GPHN: variants seen among roughly 807,000 people sequenced by gnomAD.
GPHN encodes gephyrin.
Under a neutral mutation model 95.5 loss-of-function variants are expected in GPHN, and 17 were observed. The observed-to-expected ratio is 0.18, with a 90% CI of 0.12 to 0.27. The LOEUF (loss-of-function observed/expected upper bound fraction) is 0.27. GPHN is among the 10% of genes least tolerant of loss of function. GPHN has a pLI of 1.00. For synonymous variants in GPHN, 320 were observed against 322.5 expected, an observed-to-expected ratio of 0.99 and a Z score of 0.08; for missense variants, 660 against 978.1, an observed-to-expected ratio of 0.67 and a Z score of 4.34.
At chr14:67,533,417 C>G in the GPHN span, 1 of 151,786 alleles carries the variant, frequency 6.6e-6, no homozygotes, top group East Asian at 1.9e-4. Context: ...CCCGCGCTCC[C>G]GCCGCTGTGG....
downstream of GPHN, among the ~76,000 whole-genome samples, chr14:67,185,008 G>T (rs1289472269): frequency 6.6e-6 from 1 of 151,944 alleles, no homozygotes; most frequent in African/African-American, 2.4e-5. Context: ...AAGGATGAAG[G>T]CTCAAAAAGC....
chr14:67,619,983 C>T, the GPHN span: 1 of 1,600,856 alleles, frequency 6.2e-7, no homozygotes, highest in Non-Finnish European at 8.5e-7. Flanking sequence ...GGATCATGTC[C>T]CTAAGGGGCA....
the GPHN span, among the ~76,000 whole-genome samples, chr14:67,404,636 C>T: frequency 6.6e-6 from 1 of 151,760 alleles, no homozygotes; most frequent in Non-Finnish European, 1.5e-5. Context: ...ACAGCAATAC[C>T]TAGTCTCTAC....
chr14:67,332,882 T>TATCA, the GPHN span: 1 of 1,614,086 alleles, frequency 6.2e-7, no homozygotes, highest in Non-Finnish European at 8.5e-7. Context: ...TGATAAAGCC[T>TATCA]ATCAGGAATT....
chr14:67,166,730 CG>C (rs1759196454), intron 20 of GPHN, among the ~76,000 whole-genome samples: 1 of 152,144 alleles, frequency 6.6e-6, no homozygotes, highest in Admixed American at 6.5e-5. Context: ...AGTGCAGCAG[CG>C]CGATCTCAGC....
chr14:67,409,286 C>T, the GPHN span, among the ~76,000 whole-genome samples: 1 of 149,336 alleles, frequency 6.7e-6, no homozygotes, highest in Non-Finnish European at 1.5e-5. Context: ...ACTCACACCT[C>T]TAATCTCAGC....
chr14:67,593,066 C>T, the GPHN span, among the ~76,000 whole-genome samples: 2 of 152,230 alleles, frequency 1.3e-5, no homozygotes, highest in African/African-American at 2.4e-5. Context: ...GGATTACAGG[C>T]GTGAGCCACC....
chr14:67,466,629 C>T, the GPHN span, among the ~76,000 whole-genome samples: 43 of 152,302 alleles, frequency 2.8e-4, no homozygotes, highest in African/African-American at 9.9e-4. Context: ...TACGTGCTTC[C>T]TTTGTTCGGC....
chr14:67,575,457 G>T, the GPHN span: 1 of 1,603,230 alleles, frequency 6.2e-7, no homozygotes, highest in Non-Finnish European at 8.5e-7. Context: ...ACTACTATCG[G>T]AGCCATGAGG....
the GPHN span, among the ~76,000 whole-genome samples, chr14:67,425,808 C>T: frequency 6.6e-6 from 1 of 152,074 alleles, no homozygotes; most frequent in Non-Finnish European, 1.5e-5. Flanking sequence ...CAGGGTAGAA[C>T]CACAGCGGTG....
At chr14:67,022,292 T>C (rs1183075847) in intron 9 of GPHN, among the ~76,000 whole-genome samples, 2 of 152,008 alleles carry the variant, frequency 1.3e-5, no homozygotes, top group Non-Finnish European at 2.9e-5. Context: ...TTTTCCATTG[T>C]TTAGATTTAC....
At chr14:67,645,895 T>C in the GPHN span, 3 of 1,404,242 alleles carry the variant, frequency 2.1e-6, no homozygotes, top group Admixed American at 5.8e-5. Context: ...AAGGGTGGGT[T>C]GAGTGTGGAT....
chr14:67,138,633 A>G (rs2080246272), intron 17 of GPHN, among the ~76,000 whole-genome samples: 1 of 152,144 alleles, frequency 6.6e-6, no homozygotes, highest in South Asian at 2.1e-4. Flanking sequence ...CGATGGATAC[A>G]TGGGTGTTTG....
At chr14:67,521,878 A>G in the GPHN span, among the ~76,000 whole-genome samples, 1 of 152,218 alleles carries the variant, frequency 6.6e-6, no homozygotes, top group Non-Finnish European at 1.5e-5. Flanking sequence ...AGAGTTGACT[A>G]TGAAAGTTGG....
At chr14:66,840,931 A>G (rs963263693) in intron 4 of GPHN, among the ~76,000 whole-genome samples, 6 of 149,704 alleles carry the variant, frequency 4.0e-5, no homozygotes, top group African/African-American at 1.5e-4. Context: ...ATAAGAAGTT[A>G]ATGCTTCATG....
In GPHN at chr14:66,669,865, C is replaced by A. The variant is rs553873201; in HGVS notation, c.65-11242C>A. Among the ~76,000 whole-genome samples, 11 of 152,034 alleles carry A rather than the reference C, an allele frequency of 7.2e-5. No individual in the cohort carries two copies. The East Asian group carries it at 1.4e-3, about 19-fold the overall frequency. ...TTTGTTTCATGTGTTTTTATAATTCCTTTTTGAATAATTTTTATCATGACA... is the reference window on the plus strand; with the variant it reads ...TTTGTTTCATGTGTTTTTATAATTCATTTTTGAATAATTTTTATCATGACA... On this transcript the variant is annotated intron_variant, in intron 1 of 22. Transcript: ENST00000478722.
chr14:66,879,909 CT>C, intron 4 of GPHN, 29 bp from the exon 5 acceptor site: 1 of 1,405,870 alleles, frequency 7.1e-7, no homozygotes, highest in Non-Finnish European at 1.0e-6. Context: ...GCTTATTTCA[CT>C]CAGTCTGCTA....
chr14:67,651,684 G>A, the GPHN span: 1 of 437,178 alleles, frequency 2.3e-6, no homozygotes, highest in Non-Finnish European at 4.0e-6. Flanking sequence ...GTTAAACTGA[G>A]ACAATAAAAA....
chr14:66,631,278 A>G (rs2063797317), intron 1 of GPHN, among the ~76,000 whole-genome samples: 1 of 151,628 alleles, frequency 6.6e-6, no homozygotes, highest in Admixed American at 6.6e-5. Context: ...TGAACTCCTG[A>G]CCTCATGATC....
Sources: allele counts gnomAD v4.1 joint callset (sites outside exome capture counted in the v4.1 genomes callset), GRCh38; gene constraint gnomAD v4.1.1; transcripts MANE v1.5; gene names NCBI Gene and HGNC (gene_info 2026-07-23, HGNC 2026-07-21).